Variants in UNC13C observed in about 807,000 individuals in gnomAD.
The protein encoded by UNC13C is unc-13 homolog C.
A neutral mutation model predicts 245.4 loss-of-function variants in UNC13C; 174 were observed. That is an observed-to-expected ratio of 0.71 (90% confidence interval 0.63 to 0.80). UNC13C has a LOEUF of 0.80. Among genes scored for constraint, UNC13C ranks in the 30% least tolerant of loss-of-function variants. The pLI is 0.00. For synonymous variants in UNC13C, 992 were observed against 895.1 expected (o/e 1.11, Z -1.93); for missense variants, 2,829 against 2,602.9 (o/e 1.09, Z -1.89).
chr15:53,853,438 A>T, the UNC13C span, among the ~76,000 whole-genome samples: 3 of 152,080 alleles, frequency 2.0e-5, no homozygotes, highest in African/African-American at 7.2e-5. Context: ...TGTCCTTGCT[A>T]TTGTGAATAG....
At position 54,625,366 on chromosome 15, in the gene UNC13C, G is replaced by T. The variant is rs142953693; in HGVS notation, c.6359+1412G>T. 2.4e-3 allele frequency among the ~76,000 whole-genome samples: 368 copies of T among 152,234 alleles called. 11 individuals carry two copies. The South Asian group carries it at 0.042, about 18-fold the overall frequency. ...AGCAAAAAGGAGGGTGGATCCACAG[G>T]GGGAAACTGGGCGATACCTGGCACT... is the stretch of plus-strand genomic sequence containing the variant. On this transcript the variant is annotated intron_variant, in intron 32 of 32. Transcript: ENST00000260323.
At chr15:54,462,431 C>A (rs1382473199) in intron 19 of UNC13C, among the ~76,000 whole-genome samples, 1 of 152,190 alleles carries the variant, frequency 6.6e-6, no homozygotes, top group Non-Finnish European at 1.5e-5. Context: ...AGCTGGCTCC[C>A]TCTGTTTGCA....
the UNC13C span, among the ~76,000 whole-genome samples, chr15:53,934,429 C>G: frequency 6.6e-6 from 1 of 152,152 alleles, no homozygotes; most frequent in Non-Finnish European, 1.5e-5. Flanking sequence ...ATTTCTAACA[C>G]TTAAGCAAAT....
chr15:54,016,451 C>A (rs1480418095), intron 2 of UNC13C, among the ~76,000 whole-genome samples: 4 of 152,138 alleles, frequency 2.6e-5, no homozygotes, highest in Non-Finnish European at 5.9e-5. Flanking sequence ...CCTACTGGCA[C>A]AGTCAGGGAG....
At chr15:54,126,199 A>T (rs1317094249) in intron 2 of UNC13C, among the ~76,000 whole-genome samples, 1 of 152,172 alleles carries the variant, frequency 6.6e-6, no homozygotes, top group Non-Finnish European at 1.5e-5. Flanking sequence ...AAAGTGGATT[A>T]AAAAACATGC....
chr15:54,510,142 C>A (rs1234120989), intron 23 of UNC13C, among the ~76,000 whole-genome samples: 2 of 152,268 alleles, frequency 1.3e-5, no homozygotes, highest in South Asian at 4.1e-4. Context: ...AAGAGTCTAT[C>A]AAGCTAACTT....
At chr15:53,965,627 A>G in the UNC13C span, among the ~76,000 whole-genome samples, 1 of 151,540 alleles carries the variant, frequency 6.6e-6, no homozygotes, top group African/African-American at 2.4e-5. Context: ...CATGTTAGTT[A>G]CATATGTATA....
intron 2 of UNC13C, among the ~76,000 whole-genome samples, chr15:54,023,351 T>G (rs1895978556): frequency 6.6e-6 from 1 of 152,244 alleles, no homozygotes; most frequent in Non-Finnish European, 1.5e-5. Context: ...TGGCTTATGT[T>G]TTTAAGCATC....
At chr15:54,451,564 A>C (rs1891178817) in intron 19 of UNC13C, among the ~76,000 whole-genome samples, 1 of 151,766 alleles carries the variant, frequency 6.6e-6, no homozygotes, top group South Asian at 2.1e-4. Flanking sequence ...GAATAAATGC[A>C]TTTTTTACTT....
chr15:54,508,085 A>G (rs555583886), intron 23 of UNC13C, among the ~76,000 whole-genome samples: 2 of 152,168 alleles, frequency 1.3e-5, no homozygotes, highest in South Asian at 2.1e-4. Context: ...CCTTAAATTA[A>G]TATGCTGCCC....
chr15:54,185,009 T>G (rs1197220048), intron 4 of UNC13C, among the ~76,000 whole-genome samples: 1 of 152,208 alleles, frequency 6.6e-6, no homozygotes, highest in Non-Finnish European at 1.5e-5. Flanking sequence ...TGCATTTCTC[T>G]GATGGCCAGT....
intron 31 of UNC13C, among the ~76,000 whole-genome samples, chr15:54,622,624 TATAA>T (rs532975970): frequency 1.3e-5 from 2 of 152,206 alleles, no homozygotes; most frequent in African/African-American, 4.8e-5. Context: ...ATTCAAAATA[TATAA>T]ATACACTGAT....
At chr15:54,279,613 G>A (rs2036924236) in intron 10 of UNC13C, among the ~76,000 whole-genome samples, 1 of 152,210 alleles carries the variant, frequency 6.6e-6, no homozygotes, top group Non-Finnish European at 1.5e-5. Flanking sequence ...AGCAAGGAAG[G>A]TGGGGGAATA....
downstream of UNC13C, chr15:54,629,333 A>G (rs533400806): frequency 6.6e-6 from 1 of 152,208 alleles, no homozygotes; most frequent in Non-Finnish European, 1.5e-5. Context: ...TCACGCTACG[A>G]AGCTTACTAC....
chr15:54,464,080 C>T (rs1596424049), intron 19 of UNC13C, among the ~76,000 whole-genome samples: 1 of 152,270 alleles, frequency 6.6e-6, no homozygotes, highest in East Asian at 1.9e-4. Flanking sequence ...AAATTTTTAT[C>T]ATGTAAGATT....
At chr15:53,893,420 C>G in the UNC13C span, among the ~76,000 whole-genome samples, 6 of 152,184 alleles carry the variant, frequency 3.9e-5, no homozygotes, top group Admixed American at 1.3e-4. Flanking sequence ...AGCTGTGAGG[C>G]AGGAATGTTT....
the UNC13C span, among the ~76,000 whole-genome samples, chr15:53,918,420 G>A: frequency 6.6e-6 from 1 of 151,892 alleles, no homozygotes; most frequent in Non-Finnish European, 1.5e-5. Context: ...CAGTCTCTTT[G>A]GTTGGGACAA....
intron 28 of UNC13C, among the ~76,000 whole-genome samples, chr15:54,554,460 T>C (rs1011814522): frequency 1.3e-5 from 2 of 152,094 alleles, no homozygotes; most frequent in East Asian, 1.9e-4. Context: ...AGACACCTTT[T>C]ATTATTTACC....
chr15:53,989,627 TC>T (rs369730917), intron 1 of UNC13C, among the ~76,000 whole-genome samples: 281 of 152,198 alleles, frequency 1.8e-3, no homozygotes, highest in African/African-American at 6.5e-3. Context: ...TAGAATAATA[TC>T]TGCAAGTTAA....
Sources: gnomAD v4.1 joint callset for allele counts (sites outside exome capture counted in the v4.1 genomes callset) on GRCh38, gnomAD v4.1.1 for gene constraint, MANE v1.5 for transcripts, NCBI Gene and HGNC (gene_info 2026-07-23, HGNC 2026-07-21) for gene names.